DSG2: variants seen among roughly 807,000 people sequenced by gnomAD.
The protein encoded by DSG2 is desmoglein 2, also known as desmoglein-2.
DSG2 carries 45 observed loss-of-function variants against 75.6 expected under a neutral mutation model. The observed-to-expected ratio is 0.60, with a 90% CI of 0.47 to 0.76. The LOEUF (loss-of-function observed/expected upper bound fraction) is 0.76. DSG2 is among the 30% of genes least tolerant of loss of function. The probability of loss-of-function intolerance (pLI) is 0.00; values close to 1 mark genes in which losing one functional copy is unlikely to be tolerated. For missense variants in DSG2, 1,267 were observed against 1,357.4 expected (o/e 0.93, Z 1.05); for synonymous variants, 429 against 483.9 (o/e 0.89, Z 1.49).
intron 2 of DSG2, among the ~76,000 whole-genome samples, chr18:31,519,510 G>A (rs1370598172): frequency 6.6e-6 from 1 of 152,150 alleles, no homozygotes; most frequent in East Asian, 1.9e-4. Context: ...GCTACAGTGA[G>A]CCAAGATCAT....
chr18:31,507,133 G>A (rs898296387), intron 1 of DSG2, among the ~76,000 whole-genome samples: 3 of 34,106 alleles, frequency 8.8e-5, no homozygotes, highest in African/African-American at 1.3e-4. Flanking sequence ...GTGTCCATGT[G>A]TTCTCGTTGT....
In DSG2 at chr18:31,547,959, G is replaced by A. The variant is rs1448679338; in HGVS notation, c.*1216G>A. ...TGTGTAGCCTCAGTGCCTAACATGG[G>A]TGCCAAATAAATATTCGTAGAATTA... is the stretch of plus-strand genomic sequence containing the variant. On this transcript the variant is annotated 3_prime_UTR_variant, in exon 15 of 15. Transcript: ENST00000261590. 6.6e-6 allele frequency: 1 copy of A among 152,080 alleles called. No individual in the cohort carries two copies. Among genetic ancestry groups the A allele is most frequent in the Non-Finnish European group, 1.5e-5 (1 of 68,018 alleles). 9.4% of individuals were successfully genotyped at this position (152,080 alleles called of 1,614,324 possible).
chr18:31,535,265 G>T lies in DSG2; in HGVS notation c.1281-5G>T, dbSNP rs1280409009. On this transcript the variant is annotated splice_polypyrimidine_tract_variant and splice_region_variant and intron_variant, in intron 9 of 14. Coordinates refer to ENST00000261590, the MANE Select transcript of DSG2 (RefSeq NM_001943.5). ...AAAATTAATTTTATGTTTGTTTTAT[G>T]ACAGATATGTAAAATTAGAAGATAG... 3 of 1,564,128 alleles carry T rather than the reference G, an allele frequency of 1.9e-6. No individual in the cohort carries two copies. The highest frequency in any genetic ancestry group is 2.6e-6 in the Non-Finnish European group (3 of 1,137,782).
Position 31,504,986 on chromosome 18 carries a change from C to T in DSG2, c.45+6690C>T, listed in dbSNP as rs115797649. ...ACTGTTCCTCATTCCATCTCCCTGA[C>T]TTAGTAATTTAATCTCTGAACTGTC... On this transcript the variant is annotated intron_variant, in intron 1 of 14. Coordinates refer to ENST00000261590, the MANE Select transcript of DSG2 (RefSeq NM_001943.5). 1.8e-3 allele frequency among the ~76,000 whole-genome samples: 277 copies of T among 152,254 alleles called. 3 individuals carry two copies. The highest frequency in any genetic ancestry group is 6.3e-3 in the African/African-American group (262 of 41,538).
At chr18:31,527,884 G>C (rs2073172095) in intron 8 of DSG2, among the ~76,000 whole-genome samples, 1 of 152,180 alleles carries the variant, frequency 6.6e-6, no homozygotes, top group Non-Finnish European at 1.5e-5. Flanking sequence ...GTGCCTTCTT[G>C]TTGTATCATC....
Position 31,538,777 on chromosome 18 carries a change from G to A in DSG2, c.1678G>A (p.Glu560Lys). The A allele has an allele frequency of 1.9e-6, 3 of 1,614,190 alleles. No homozygotes were observed. The highest frequency in any genetic ancestry group is 1.1e-5 in the South Asian group (1 of 91,066). ...ESTSVLLQQS[E>K]KKLGRSEIQF... ...TACCAGTGTGCTGCTGCAACAAAGT[G>A]AGAAAAAGCTTGGGAGAAGTGAAAT... The change falls in exon 12 of 15, where the codon GAG becomes AAG. Residue 560 changes from glutamate to lysine, a missense_variant. Physicochemically the swap from Glu to Lys is moderately conservative, Grantham distance 56. Coordinates refer to ENST00000261590, the MANE Select transcript of DSG2 (RefSeq NM_001943.5).
intron 2 of DSG2, 114 bp from the exon 3 acceptor site, chr18:31,519,689 C>T (rs944861027): frequency 8.9e-6 from 10 of 1,120,356 alleles, no homozygotes; most frequent in Middle Eastern, 2.4e-4. Context: ...ATAGGAAATA[C>T]GAAGCATACC....
rs876657791 is a variant in DSG2, at chr18:31,531,255, AAG to A, written c.1280+10_1280+11del. The A allele has an allele frequency of 4.6e-5, 75 of 1,614,120 alleles. No individual in the cohort carries two copies. The East Asian group carries it at 1.6e-3, about 34-fold the overall frequency. On this transcript the variant is annotated splice_donor_5th_base_variant and intron_variant, in intron 9 of 14. Coordinates refer to ENST00000261590, the MANE Select transcript of DSG2 (RefSeq NM_001943.5). ...ACTGGACTACCAGCCCATGCAAGGTAAGAGAGAGTGACACGTGTATTTCTTTA... is the reference window on the plus strand; with the variant it reads ...ACTGGACTACCAGCCCATGCAAGGTAAGAGAGTGACACGTGTATTTCTTTA...
At chr18:31,513,213 G>A (rs989427455) in intron 1 of DSG2, among the ~76,000 whole-genome samples, 3 of 152,146 alleles carry the variant, frequency 2.0e-5, no homozygotes, top group African/African-American at 4.8e-5. Flanking sequence ...AAATTTGAAC[G>A]ATTCTGTAAC....
At chr18:31,539,050 T>C in intron 12 of DSG2, 72 bp downstream of exon 12, 13 of 1,396,450 alleles carry the variant, frequency 9.3e-6, no homozygotes, top group Non-Finnish European at 1.0e-5. Flanking sequence ...GTTACTATGG[T>C]AGTCATTGAT....
chr18:31,528,258 G>A (rs1030108294), intron 8 of DSG2, among the ~76,000 whole-genome samples: 8 of 152,134 alleles, frequency 5.3e-5, no homozygotes, highest in African/African-American at 1.9e-4. Context: ...GTTCATAGCA[G>A]CATTATTCAT....
chr18:31,541,130 CA>C, intron 12 of DSG2, 62 bp from the exon 13 acceptor site: 1 of 1,608,484 alleles, frequency 6.2e-7, no homozygotes, highest in Non-Finnish European at 8.5e-7. Context: ...CAAAATTGTG[CA>C]ATATAAATTT....
At position 31,520,796 on chromosome 18, in the gene DSG2, A is replaced by G. The variant is rs755415569; in HGVS notation, c.217-7A>G. On this transcript the variant is annotated splice_polypyrimidine_tract_variant and splice_region_variant and intron_variant, in intron 3 of 14. Transcript: ENST00000261590. ...AACCTGAAACATTCCTGTTATTTTT[A>G]TGTTAGATACATTCTGATCTTGCAG... 1.2e-5 allele frequency: 19 copies of G among 1,613,258 alleles called. No individual in the cohort carries two copies. The highest frequency in any genetic ancestry group is 1.4e-5 in the Non-Finnish European group (17 of 1,179,496).
intron 1 of DSG2, among the ~76,000 whole-genome samples, chr18:31,518,030 T>C (rs1346959895): frequency 1.3e-5 from 2 of 152,192 alleles, no homozygotes; most frequent in African/African-American, 4.8e-5. Context: ...GGAGTCAGTA[T>C]GGATCCAGGA....
chr18:31,512,477 A>C (rs1387206525), intron 1 of DSG2, among the ~76,000 whole-genome samples: 1 of 152,188 alleles, frequency 6.6e-6, no homozygotes, highest in East Asian at 1.9e-4. Context: ...GTCTCTATAC[A>C]TTTGTTCTTG....
chr18:31,520,409 A>G (rs183740387), intron 3 of DSG2, among the ~76,000 whole-genome samples: 1 of 152,264 alleles, frequency 6.6e-6, no homozygotes, highest in East Asian at 1.9e-4. Context: ...AAATTATGTG[A>G]TAGTGTTGCT....
chr18:31,535,701 G>A lies in DSG2; in HGVS notation c.1423+289G>A, dbSNP rs547430499. ...CCCAGCTACTCAAGAGACTGAGGCA[G>A]GAGAATTGCTTGAACCCAGGAGGTA... On this transcript the variant is annotated intron_variant, in intron 10 of 14. Coordinates refer to ENST00000261590, the MANE Select transcript of DSG2 (RefSeq NM_001943.5). Among the ~76,000 whole-genome samples the A allele has an allele frequency of 5.3e-4, 80 of 152,060 alleles. 1 individual carries two copies. The South Asian group carries it at 0.016, about 30-fold the overall frequency.
chr18:31,523,658 A>G (rs1484112489), intron 6 of DSG2, among the ~76,000 whole-genome samples: 1 of 152,224 alleles, frequency 6.6e-6, no homozygotes, highest in Non-Finnish European at 1.5e-5. Context: ...ACCTTCTGCC[A>G]GGTACTGTTC....
chr18:31,509,644 G>A (rs568807995), intron 1 of DSG2, among the ~76,000 whole-genome samples: 1 of 152,138 alleles, frequency 6.6e-6, no homozygotes, highest in Non-Finnish European at 1.5e-5. Context: ...AGATTAAGAA[G>A]AGAAAAGTGC....
Sources: gnomAD v4.1 joint callset for allele counts (sites outside exome capture counted in the v4.1 genomes callset) on GRCh38, gnomAD v4.1.1 for gene constraint, MANE v1.5 for transcripts, NCBI Gene and HGNC (gene_info 2026-07-23, HGNC 2026-07-21) for gene names.